NLGN1: variants seen among roughly 807,000 people sequenced by gnomAD.
The protein encoded by NLGN1 is neuroligin-1.
NLGN1 carries 12 observed loss-of-function variants against 65.5 expected under a neutral mutation model. That is an observed-to-expected ratio of 0.18 (90% confidence interval 0.12 to 0.30). The LOEUF is 0.30. Among genes scored for constraint, NLGN1 ranks in the 10% least tolerant of loss-of-function variants. NLGN1 has a pLI of 1.00. For synonymous variants in NLGN1, 350 were observed against 359.5 expected, an observed-to-expected ratio of 0.97 and a Z score of 0.30; for missense variants, 750 against 1,007.1, an observed-to-expected ratio of 0.74 and a Z score of 3.46.
intron 4 of NLGN1, among the ~76,000 whole-genome samples, chr3:174,238,753 T>C (rs1742221976): frequency 6.6e-6 from 1 of 152,224 alleles, no homozygotes; most frequent in African/African-American, 2.4e-5. Flanking sequence ...CCCAATTTCA[T>C]AGACAGAGGA....
At chr3:174,118,901 G>C (rs1276147225) in intron 4 of NLGN1, among the ~76,000 whole-genome samples, 2 of 151,950 alleles carry the variant, frequency 1.3e-5, no homozygotes, top group Non-Finnish European at 2.9e-5. Context: ...AGCACTGCCT[G>C]ACATTCTTCA....
rs1299394608 is a variant in NLGN1, at chr3:174,280,355, A to G, written c.1650-126A>G. 12 of 689,392 alleles carry G rather than the reference A, an allele frequency of 1.7e-5. No homozygotes were observed. Among genetic ancestry groups the G allele is most frequent in the Non-Finnish European group, 2.8e-5 (12 of 421,592 alleles). The allele number at this position is 689,392 out of a possible 1,614,324, so 42.7% of individuals were successfully genotyped here. ...GATTTATATTTCTAAATTGACCCAA[A>G]TTAATGTTAAAACACAATCTAAAGC... On this transcript the variant is annotated intron_variant, in intron 6 of 6. Coordinates refer to ENST00000457714, the Ensembl canonical transcript of NLGN1. The surrounding 1 kb of genome is among the most constrained non-coding windows in gnomAD (Gnocchi z 4.9).
chr3:173,949,768 G>A (rs749370512), intron 4 of NLGN1, among the ~76,000 whole-genome samples: 2 of 152,154 alleles, frequency 1.3e-5, no homozygotes, highest in Non-Finnish European at 2.9e-5. Flanking sequence ...TTATTACCGT[G>A]AGTTTACCAG....
chr3:173,593,349 CT>C (rs1387802184), intron 2 of NLGN1, among the ~76,000 whole-genome samples: 1 of 152,150 alleles, frequency 6.6e-6, no homozygotes, highest in African/African-American at 2.4e-5. Context: ...CCAATAGTTA[CT>C]TTTTTGTCTT....
At chr3:173,514,096 A>T (rs1560366691) in intron 2 of NLGN1, among the ~76,000 whole-genome samples, 1 of 152,218 alleles carries the variant, frequency 6.6e-6, no homozygotes, top group Non-Finnish European at 1.5e-5. Context: ...CTGACTGCAC[A>T]CATAAACAAT....
chr3:173,642,498 A>G (rs1757576062), intron 3 of NLGN1, among the ~76,000 whole-genome samples: 2 of 152,218 alleles, frequency 1.3e-5, no homozygotes, highest in South Asian at 4.1e-4. Context: ...CAAAACCATT[A>G]CATTGACCAA....
intron 2 of NLGN1, among the ~76,000 whole-genome samples, chr3:173,574,446 A>G (rs560304894): frequency 6.6e-6 from 1 of 152,114 alleles, no homozygotes; most frequent in East Asian, 1.9e-4. Flanking sequence ...TCAATTTAAA[A>G]TTTTATATTT....
chr3:173,604,848 C>T, exon 3 of NLGN1: 1 of 1,613,662 alleles, frequency 6.2e-7, no homozygotes, highest in South Asian at 1.1e-5. Flanking sequence ...TCTTGGGGTT[C>T]CATATGCAGC....
At position 174,261,003 on chromosome 3, in the gene NLGN1, G is replaced by A. The variant is rs1360304553; in HGVS notation, c.647-14312G>A. Among the ~76,000 whole-genome samples, 10 of 151,882 alleles carry A rather than the reference G, an allele frequency of 6.6e-5. No homozygotes were observed. In the South Asian group the frequency reaches 1.0e-3, roughly 16 times the overall value. On this transcript the variant is annotated intron_variant, in intron 4 of 6. Coordinates refer to ENST00000457714, the Ensembl canonical transcript of NLGN1. Reference sequence around the variant, plus strand: ...AAAGATCAGATAGTTGTAGATATGCGGTGTTATTTCTTAGGGCTCTGTTCT... The same window carrying A: ...AAAGATCAGATAGTTGTAGATATGCAGTGTTATTTCTTAGGGCTCTGTTCT...
rs183048720 is a variant in NLGN1 at position 174,076,795 on chromosome 3, G to A, written c.647-198520G>A. ...CACATGTGTGTATGTACATATGTGT[G>A]TTTCTAAAACCATCAACACTTGTCA... On this transcript the variant is annotated intron_variant, in intron 4 of 6. Transcript: ENST00000457714. Among the ~76,000 whole-genome samples the A allele has an allele frequency of 2.0e-5, 3 of 151,430 alleles. No individual in the cohort carries two copies. In the East Asian group the frequency reaches 5.9e-4, roughly 30 times the overall value.
At chr3:173,435,631 T>C (rs967194649) in intron 2 of NLGN1, among the ~76,000 whole-genome samples, 1 of 152,098 alleles carries the variant, frequency 6.6e-6, no homozygotes, top group Non-Finnish European at 1.5e-5. Context: ...GGTCAGGAGA[T>C]CAAGACCATC....
chr3:173,578,859 T>C (rs1198139494), intron 2 of NLGN1, among the ~76,000 whole-genome samples: 1 of 152,214 alleles, frequency 6.6e-6, no homozygotes, highest in African/African-American at 2.4e-5. Context: ...GAAGAAAATA[T>C]TCTGCAAAAT....
chr3:173,782,979 A>G (rs1462194146), intron 3 of NLGN1, among the ~76,000 whole-genome samples: 1 of 145,954 alleles, frequency 6.9e-6, no homozygotes, highest in Non-Finnish European at 1.5e-5. Context: ...CAGCAAATAT[A>G]GAAAGCTGTC....
chr3:173,863,433 A>T lies in NLGN1; in HGVS notation c.646+55601A>T, dbSNP rs565525078. Among the ~76,000 whole-genome samples the T allele has an allele frequency of 3.3e-5, 5 of 152,324 alleles. No homozygotes were observed. In the South Asian group the frequency reaches 8.3e-4, roughly 25 times the overall value. On this transcript the variant is annotated intron_variant, in intron 4 of 6. Transcript: ENST00000457714. Reference sequence around the variant, plus strand: ...GCTTACTTTAGGTTTCTGAATGCTAATATGTAGAATGATGTTTCTTTTCTA... The same window carrying T: ...GCTTACTTTAGGTTTCTGAATGCTATTATGTAGAATGATGTTTCTTTTCTA...
intron 4 of NLGN1, among the ~76,000 whole-genome samples, chr3:174,073,351 A>G (rs2152537802): frequency 6.6e-6 from 1 of 152,326 alleles, no homozygotes; most frequent in East Asian, 1.9e-4. Context: ...CATGTATTTC[A>G]ATAACTTTTG....
At chr3:174,208,914 C>T (rs916091901) in intron 4 of NLGN1, among the ~76,000 whole-genome samples, 4 of 151,934 alleles carry the variant, frequency 2.6e-5, no homozygotes, top group Non-Finnish European at 4.4e-5. Flanking sequence ...CTTTTGTTTT[C>T]CTTTTCTGTT....
At chr3:174,051,934 T>C (rs549959745) in intron 4 of NLGN1, among the ~76,000 whole-genome samples, 5 of 152,164 alleles carry the variant, frequency 3.3e-5, no homozygotes, top group African/African-American at 1.2e-4. Flanking sequence ...TGGACAGTAA[T>C]AGTTCTAGCC....
chr3:173,835,280 A>C, intron 4 of NLGN1, among the ~76,000 whole-genome samples: 1 of 152,262 alleles, frequency 6.6e-6, no homozygotes, highest in Middle Eastern at 3.4e-3. Flanking sequence ...GTATCATATA[A>C]GAAATAATAA....
intron 4 of NLGN1, among the ~76,000 whole-genome samples, chr3:174,199,672 G>A (rs1734087062): frequency 6.6e-6 from 1 of 152,100 alleles, no homozygotes; most frequent in South Asian, 2.1e-4. Flanking sequence ...GAAAGGCTCA[G>A]GGAAAGAAAC....
Sources: allele counts gnomAD v4.1 joint callset (sites outside exome capture counted in the v4.1 genomes callset), GRCh38; gene constraint gnomAD v4.1.1; non-coding constraint Gnocchi (gnomAD v3.1); transcripts MANE v1.5; gene names NCBI Gene and HGNC (gene_info 2026-07-23, HGNC 2026-07-21).